The following DDX10 variants were observed in gnomAD, a reference collection of about 807,000 sequenced individuals.
DDX10 encodes the protein DEAD-box helicase 10.
A neutral mutation model predicts 104.3 loss-of-function variants in DDX10; 74 were observed. That is an observed-to-expected ratio of 0.71 (90% CI 0.59 to 0.86). The LOEUF (loss-of-function observed/expected upper bound fraction) is 0.86. Among genes scored for constraint, DDX10 ranks in the 40% least tolerant of loss-of-function variants. The pLI, the probability that DDX10 is intolerant of heterozygous loss-of-function variation, is 0.00. For synonymous variants in DDX10, 351 were observed against 353.4 expected (o/e 0.99, Z 0.08); for missense variants, 952 against 1,040.0 (o/e 0.92, Z 1.16).
At chr11:108,713,614 T>C (rs538901688) in intron 10 of DDX10, among the ~76,000 whole-genome samples, 1 of 152,348 alleles carries the variant, frequency 6.6e-6, no homozygotes, top group South Asian at 2.1e-4. Context: ...TAAATTACAT[T>C]TCTGGCCTAA....
intron 16 of DDX10, among the ~76,000 whole-genome samples, chr11:108,904,122 C>G (rs1474176687): frequency 6.6e-6 from 1 of 151,938 alleles, no homozygotes. Flanking sequence ...TCTGATTTTT[C>G]TTTTTATAAA....
intron 16 of DDX10, among the ~76,000 whole-genome samples, chr11:108,886,252 AT>A (rs1863295108): frequency 6.6e-6 from 1 of 152,216 alleles, no homozygotes; most frequent in Non-Finnish European, 1.5e-5. Flanking sequence ...TGTGAAAGAT[AT>A]TTAAGCCTCA....
chr11:108,835,369 C>G (rs915420591), intron 13 of DDX10, among the ~76,000 whole-genome samples: 5 of 152,132 alleles, frequency 3.3e-5, no homozygotes, highest in Non-Finnish European at 1.5e-5. Context: ...TCACGGACCC[C>G]TGGGAGGTGG....
At chr11:108,809,042 T>C (rs1210411381) in intron 13 of DDX10, among the ~76,000 whole-genome samples, 1 of 152,102 alleles carries the variant, frequency 6.6e-6, no homozygotes, top group African/African-American at 2.4e-5. Context: ...CAGGAAATGC[T>C]AGTTTTTACT....
rs67462277 is a variant in DDX10, at chr11:108,872,821, C to CCG, written c.2304+20613_2304+20614insGC. On this transcript the variant is annotated intron_variant, in intron 16 of 17. Coordinates refer to ENST00000322536, the MANE Select transcript of DDX10 (RefSeq NM_004398.4). Reference sequence around the variant, plus strand: ...AAAAATATGGATGCTAATTTCCGTTCCCCCCCCCTCCCATTTCCCTTTCTC... The same window carrying CCG: ...AAAAATATGGATGCTAATTTCCGTTCCGCCCCCCCCTCCCATTTCCCTTTCTC... 3.8e-4 allele frequency among the ~76,000 whole-genome samples: 42 copies of CCG among 110,028 alleles called. No individual in the cohort carries two copies. The East Asian group carries it at 0.014, about 36-fold the overall frequency. 72.2% of individuals were successfully genotyped at this position (110,028 alleles called of 152,430 possible).
chr11:108,763,195 A>G (rs931055751), intron 13 of DDX10, among the ~76,000 whole-genome samples: 1 of 152,132 alleles, frequency 6.6e-6, no homozygotes, highest in Non-Finnish European at 1.5e-5. Context: ...TCTGGTTGCA[A>G]TTCCTTGGTG....
At chr11:108,926,525 T>C (rs983763026) in intron 17 of DDX10, among the ~76,000 whole-genome samples, 1 of 152,216 alleles carries the variant, frequency 6.6e-6, no homozygotes, top group Non-Finnish European at 1.5e-5. Flanking sequence ...TTTGCAGTTA[T>C]GTTTATAATG....
At chr11:108,925,603 G>T (rs992540000) in intron 17 of DDX10, among the ~76,000 whole-genome samples, 1 of 152,134 alleles carries the variant, frequency 6.6e-6, no homozygotes. Context: ...CATGCCTAAT[G>T]ACTGCAAACT....
intron 13 of DDX10, among the ~76,000 whole-genome samples, chr11:108,770,089 G>T (rs1240080605): frequency 6.6e-6 from 1 of 152,182 alleles, no homozygotes; most frequent in Non-Finnish European, 1.5e-5. Flanking sequence ...AGAAAATCTG[G>T]CCTCACACAG....
intron 13 of DDX10, among the ~76,000 whole-genome samples, chr11:108,817,634 T>TG (rs1248679987): frequency 1.3e-5 from 2 of 152,270 alleles, no homozygotes; most frequent in African/African-American, 4.8e-5. Flanking sequence ...ACTTACAGTA[T>TG]GGTAGATAGC....
At chr11:108,812,556 T>C (rs1862197312) in intron 13 of DDX10, among the ~76,000 whole-genome samples, 5 of 152,218 alleles carry the variant, frequency 3.3e-5, no homozygotes, top group Admixed American at 1.3e-4. Flanking sequence ...TGCAATTTTG[T>C]ACTTCTTAGA....
chr11:108,820,835 T>G (rs1193640205), intron 13 of DDX10, among the ~76,000 whole-genome samples: 1 of 152,220 alleles, frequency 6.6e-6, no homozygotes, highest in Non-Finnish European at 1.5e-5. Context: ...CTAGGGCCTG[T>G]GAATCAGTTT....
At chr11:108,879,616 A>G (rs1035008365) in intron 16 of DDX10, among the ~76,000 whole-genome samples, 5 of 152,286 alleles carry the variant, frequency 3.3e-5, no homozygotes, top group Middle Eastern at 3.4e-3. Context: ...AAGGCCCCAA[A>G]AGACAAAGGT....
At chr11:108,717,468 C>T (rs1430286710) in intron 11 of DDX10, among the ~76,000 whole-genome samples, 1 of 152,144 alleles carries the variant, frequency 6.6e-6, no homozygotes, top group Non-Finnish European at 1.5e-5. Context: ...CGCCACCACA[C>T]CCGGCCAATT....
At chr11:108,713,270 A>G (rs1251972737) in intron 10 of DDX10, among the ~76,000 whole-genome samples, 2 of 152,058 alleles carry the variant, frequency 1.3e-5, no homozygotes, top group Non-Finnish European at 2.9e-5. Flanking sequence ...TACTGTTTGA[A>G]GCATTGCTTC....
chr11:108,723,238 G>A lies in DDX10; in HGVS notation c.1741G>A (p.Glu581Lys), dbSNP rs1305096343. The A allele has an allele frequency of 5.0e-6, 8 of 1,613,390 alleles. No individual in the cohort carries two copies. The East Asian group carries it at 1.8e-4, about 36-fold the overall frequency. Residue 581 changes from glutamate (E) to lysine (K), a missense_variant, in exon 13 of 18, where the codon GAA (glutamate) becomes AAA (lysine). This residue lies in a region of DDX10 where 533 missense variants were observed against 534.1 expected (regional missense o/e 1.00). Coordinates refer to ENST00000322536, the MANE Select transcript of DDX10 (RefSeq NM_004398.4). ...ACAGGATAATGATACTGGTAATGAA[G>A]AACAGGAAGAAGAAGAAGACGATGA... is the stretch of plus-strand genomic sequence containing the variant. ...HRQDNDTGNE[E>K]QEEEEDDEEE...
intron 16 of DDX10, among the ~76,000 whole-genome samples, chr11:108,870,846 C>A (rs554420321): frequency 6.6e-6 from 1 of 152,258 alleles, no homozygotes; most frequent in East Asian, 1.9e-4. Context: ...TAGACCGATA[C>A]GAACAAACAG....
chr11:108,896,032 C>T (rs555714633), intron 16 of DDX10, among the ~76,000 whole-genome samples: 8 of 152,178 alleles, frequency 5.3e-5, no homozygotes, highest in South Asian at 4.1e-4. Context: ...CAAATGTAAT[C>T]GTTCAGAGGA....
intron 2 of DDX10, among the ~76,000 whole-genome samples, chr11:108,674,818 A>G (rs1343119360): frequency 1.3e-5 from 2 of 152,126 alleles, no homozygotes; most frequent in Non-Finnish European, 1.5e-5. Context: ...CTGGCCTACA[A>G]TAGATCTCTT....
Sources: allele counts gnomAD v4.1 joint callset (sites outside exome capture counted in the v4.1 genomes callset), GRCh38; gene constraint gnomAD v4.1.1; regional missense constraint gnomAD v4.1.1; transcripts MANE v1.5; gene names NCBI Gene and HGNC (gene_info 2026-07-23, HGNC 2026-07-21).